The following GPS1 variants were observed in gnomAD, a reference collection of about 807,000 sequenced individuals.
GPS1 encodes COP9 signalosome complex subunit 1.
In GPS1, 11 loss-of-function variants were observed where a neutral mutation model predicts 60.0. That is an observed-to-expected ratio of 0.18 (90% CI 0.12 to 0.30). The LOEUF (loss-of-function observed/expected upper bound fraction) is 0.30, where lower values mean the gene tolerates loss of function less well. GPS1 is among the 10% of genes least tolerant of loss of function. GPS1 has a pLI of 1.00. For synonymous variants in GPS1, 343 were observed against 269.8 expected, an observed-to-expected ratio of 1.27 and a Z score of -2.66; for missense variants, 543 against 669.2, an observed-to-expected ratio of 0.81 and a Z score of 2.08.
Position 82,057,074 on chromosome 17 carries a change from C to G in GPS1, c.1411C>G (p.Gln471Glu). ...HVKSPPREGS[Q>E]GELTPANSQS... ...GCAGTCCCCGCCCAGAGAAGGGAGC[C>G]AGGGGGAGCTGACTCCAGCCAACAG... Residue 471 changes from glutamine to glutamate, a missense_variant, in exon 13 of 13, where the codon CAG becomes GAG. Transcript: ENST00000578552. The G allele has an allele frequency of 6.3e-7, 1 of 1,586,546 alleles. No individual in the cohort carries two copies.
rs972626568 is a variant in GPS1 at position 82,056,618 on chromosome 17, C to T, written c.1117-11C>T. Reference sequence around the variant, plus strand: ...AGGGGGCTGTGGAGCTGACTTCCCTCTGCCCTGCAGTATTTCAGCCCCTAC... The same window carrying T: ...AGGGGGCTGTGGAGCTGACTTCCCTTTGCCCTGCAGTATTTCAGCCCCTAC... On this transcript the variant is annotated splice_polypyrimidine_tract_variant and intron_variant, in intron 10 of 12. Transcript: ENST00000578552. 2 of 1,612,038 alleles carry T rather than the reference C, an allele frequency of 1.2e-6. No individual in the cohort carries two copies. The highest frequency in any genetic ancestry group is 2.7e-5 in the African/African-American group (2 of 74,938).
At position 82,055,270 on chromosome 17, in the gene GPS1, A is replaced by T. The variant is rs779466369; in HGVS notation, c.748+48A>T. 3.6e-5 allele frequency: 55 copies of T among 1,532,090 alleles called. 1 individual carries two copies. In the South Asian group the frequency reaches 4.3e-4, roughly 12 times the overall value. The allele number at this position is 1,532,090 out of a possible 1,614,324, so 94.9% of individuals were successfully genotyped here. A position where few individuals can be genotyped will look rare whatever the true frequency, so the allele number is the denominator to read the frequency against. ...GCTGACCCCACGTTCCCCTGTTGCT[A>T]AGTCCTCCCAGCCCAGGGCAGTAGG... On this transcript the variant is annotated intron_variant, in intron 6 of 12. Coordinates refer to ENST00000578552, the MANE Select transcript of GPS1 (RefSeq NM_001321092.3).
Position 82,055,984 on chromosome 17 carries a change from A to G in GPS1, c.835-17A>G, listed in dbSNP as rs2144615406. On this transcript the variant is annotated splice_polypyrimidine_tract_variant and intron_variant, in intron 7 of 12. Coordinates refer to ENST00000578552, the MANE Select transcript of GPS1 (RefSeq NM_001321092.3). Reference sequence around the variant, plus strand: ...CTGGCCCTTCACTGCCTGTGACGCCAGGTCTCTGCTCCTCAGCTGCTGTCC... The same window carrying G: ...CTGGCCCTTCACTGCCTGTGACGCCGGGTCTCTGCTCCTCAGCTGCTGTCC... 1 of 1,586,738 alleles carries G rather than the reference A, an allele frequency of 6.3e-7. No individual in the cohort carries two copies. The highest frequency in any genetic ancestry group is 2.2e-5 in the East Asian group (1 of 44,688).
In GPS1 at chr17:82,057,453, AAGAGC is replaced by A. The variant is rs2033080206; in HGVS notation, c.*330_*334del. On this transcript the variant is annotated 3_prime_UTR_variant, in exon 13 of 13. Transcript: ENST00000578552. ...GCAGACAAGTGGGCGGTGTCCATTAAAGAGCAGACTCAGCGTTGCTCTTGGCTGTT... is the reference window on the plus strand; with the variant it reads ...GCAGACAAGTGGGCGGTGTCCATTAAAGACTCAGCGTTGCTCTTGGCTGTT... 1 of 522,274 alleles carries A rather than the reference AAGAGC, an allele frequency of 1.9e-6. No individual in the cohort carries two copies. The highest frequency in any genetic ancestry group is 2.4e-5 in the Admixed American group (1 of 42,284). The allele number at this position is 522,274 out of a possible 1,614,324, so 32.4% of individuals were successfully genotyped here.
At chr17:82,051,817 T>C, upstream of GPS1, 2 of 1,130,016 alleles carry the variant, frequency 1.8e-6, no homozygotes, top group Non-Finnish European at 2.2e-6. This position sits in a 1 kb window ranked among gnomAD's most constrained non-coding sequence, Gnocchi z 4.1. Context: ...GCCGGAGCCG[T>C]GGGTGGGCGG....
Position 82,055,179 on chromosome 17 carries a change from C to T in GPS1, c.705C>T (p.Asp235=), listed in dbSNP as rs762817268. 4 of 1,561,416 alleles carry T rather than the reference C, an allele frequency of 2.6e-6. No individual in the cohort carries two copies. The highest frequency in any genetic ancestry group is 2.7e-5 in the African/African-American group (2 of 73,470). The change falls in exon 6 of 13, where the codon GAC becomes GAT. Residue 235 remains aspartate, a synonymous_variant. Coordinates refer to ENST00000578552, the MANE Select transcript of GPS1 (RefSeq NM_001321092.3). ...PEIAEQRGER[D]SQTQAILTKL... ...TCCTACAGCAGCGAGGAGAGCGTGACAGCCAGACCCAGGCCATCCTCACCA... is the reference window on the plus strand; with the variant it reads ...TCCTACAGCAGCGAGGAGAGCGTGATAGCCAGACCCAGGCCATCCTCACCA...
chr17:82,053,444 C>T, intron 2 of GPS1, 78 bp downstream of exon 2: 1 of 1,038,348 alleles, frequency 9.6e-7, no homozygotes, highest in African/African-American at 1.7e-5. Context: ...CTGCAGCCTG[C>T]ACAGCAGGTA....
chr17:82,055,707 T>C (rs1568062142), intron 6 of GPS1, 33 bp from the exon 7 acceptor site: 14 of 1,038,504 alleles, frequency 1.3e-5, no homozygotes, highest in Admixed American at 4.0e-5. Flanking sequence ...TTACCCCCTC[T>C]CCCCCCTCCC....
chr17:82,052,510 C>T (rs763029287), intron 1 of GPS1: 3 of 1,581,440 alleles, frequency 1.9e-6, no homozygotes, highest in East Asian at 2.3e-5. Context: ...AGCAGGGCCC[C>T]GGCCGCCCCT....
chr17:82,050,970 G>C (rs2030454126), upstream of GPS1: 12 of 1,428,712 alleles, frequency 8.4e-6, no homozygotes, highest in Non-Finnish European at 1.1e-5. Context: ...CATCGGTTGG[G>C]ATCTCTTGAG....
At chr17:82,054,401 C>T in intron 3 of GPS1, 109 bp from the exon 4 acceptor site, 1 of 1,370,176 alleles carries the variant, frequency 7.3e-7, no homozygotes, top group Non-Finnish European at 9.6e-7. Context: ...GGGAGGTGCC[C>T]ACCTGTGTGC....
chr17:82,055,626 C>CCGAA lies in GPS1; in HGVS notation c.749-113_749-112insGAAC, dbSNP rs2032434732. On this transcript the variant is annotated intron_variant, in intron 6 of 12. Coordinates refer to ENST00000578552, the MANE Select transcript of GPS1 (RefSeq NM_001321092.3). ...GGAACAGCTCCCGGGGCAGGAGAGG[C>CCGAA]CAGCGAGCCGGCTGGTGGTCGCGTT... is the stretch of plus-strand genomic sequence containing the variant. The CCGAA allele has an allele frequency of 5.7e-6, 4 of 707,370 alleles. No homozygotes were observed. In the Admixed American group the frequency reaches 8.9e-5, roughly 16 times the overall value. The allele number at this position is 707,370 out of a possible 1,614,324, so 43.8% of individuals were successfully genotyped here.
upstream of GPS1, chr17:82,051,199 GAA>G (rs2030502247): frequency 1.5e-6 from 2 of 1,307,846 alleles, no homozygotes; most frequent in African/African-American, 3.1e-5. The surrounding 1 kb of genome is among the most constrained non-coding windows in gnomAD (Gnocchi z 4.1). Flanking sequence ...CCTGGGCAGA[GAA>G]AGGCACCCAC....
intron 1 of GPS1, 174 bp from the exon 2 acceptor site, chr17:82,053,100 G>C (rs2031436752): frequency 1.3e-5 from 6 of 447,442 alleles, no homozygotes; most frequent in Admixed American, 8.7e-5. Flanking sequence ...ACAGGAGCCT[G>C]GGTGGGGGCG....
chr17:82,053,423 C>T (rs1419905751), intron 2 of GPS1, 57 bp downstream of exon 2: 9 of 1,258,180 alleles, frequency 7.2e-6, no homozygotes, highest in Non-Finnish European at 9.5e-6. Context: ...GGGTCCAGGG[C>T]ACACTCCCCG....
intron 3 of GPS1, chr17:82,054,267 G>A: frequency 1.4e-6 from 1 of 736,058 alleles, no homozygotes; most frequent in Non-Finnish European, 2.2e-6. Flanking sequence ...GGGAGCTGTT[G>A]GAGACTGTGG....
chr17:82,055,124 T>A (rs368926784), intron 5 of GPS1, 38 bp from the exon 6 acceptor site: 1 of 1,563,876 alleles, frequency 6.4e-7, no homozygotes, highest in African/African-American at 1.4e-5. Flanking sequence ...CTAGGAAATG[T>A]GGAGCATGGG....
intron 6 of GPS1, 101 bp downstream of exon 6, chr17:82,055,323 T>G: frequency 1.2e-5 from 14 of 1,214,804 alleles, no homozygotes; most frequent in Non-Finnish European, 1.7e-5. Context: ...CAGGGAAAAC[T>G]TCCCTGGCAG....
At chr17:82,056,183 C>T (rs2032694795) in intron 8 of GPS1, 88 bp downstream of exon 8, 4 of 1,380,236 alleles carry the variant, frequency 2.9e-6, no homozygotes, top group South Asian at 1.2e-5. Context: ...GGCCCCCTGG[C>T]CCCAGCGTTT....
Sources: allele counts gnomAD v4.1 joint callset, GRCh38; gene constraint gnomAD v4.1.1; non-coding constraint Gnocchi (gnomAD v3.1); transcripts MANE v1.5; gene names NCBI Gene and HGNC (gene_info 2026-07-23, HGNC 2026-07-21).